ZNF438: variants seen among roughly 807,000 people sequenced by gnomAD.
The protein encoded by ZNF438 is zinc finger protein 438.
A neutral mutation model predicts 38.0 loss-of-function variants in ZNF438; 25 were observed. The observed-to-expected ratio is 0.66, with a 90% CI of 0.48 to 0.92. The LOEUF (loss-of-function observed/expected upper bound fraction) is 0.92, where lower values mean the gene tolerates loss of function less well. Among genes scored for constraint, ZNF438 ranks in the 40% least tolerant of loss-of-function variants. The pLI is 0.00. For synonymous variants in ZNF438, 372 were observed against 364.1 expected (o/e 1.02, Z -0.25); for missense variants, 1,007 against 999.6 (o/e 1.01, Z -0.10).
At position 30,888,715 on chromosome 10, in the gene ZNF438, T is replaced by C. The variant is rs139232787; in HGVS notation, c.-31-11650A>G. Among the ~76,000 whole-genome samples, 736 of 152,356 alleles carry C rather than the reference T, an allele frequency of 4.8e-3. 3 individuals are homozygous for C. The highest frequency in any genetic ancestry group is 7.9e-3 in the Non-Finnish European group (539 of 68,036). On this transcript the variant is annotated intron_variant, in intron 3 of 5. Coordinates refer to ENST00000413025, the Ensembl canonical transcript of ZNF438. ...ATAAAGGGCATGATCTCATTCTTTT[T>C]TATGGCTGCATCGTATTCCATGGTG...
At chr10:30,879,374 T>C (rs1050627916) in intron 3 of ZNF438, among the ~76,000 whole-genome samples, 1 of 152,200 alleles carries the variant, frequency 6.6e-6, no homozygotes, top group African/African-American at 2.4e-5. Flanking sequence ...ATTTTAACTA[T>C]GTACCAGAAA....
chr10:30,976,907 G>A (rs1589528757), intron 1 of ZNF438, among the ~76,000 whole-genome samples: 2 of 152,116 alleles, frequency 1.3e-5, no homozygotes, highest in East Asian at 3.9e-4. Context: ...ACAACTTTAA[G>A]CCTTTGAGAG....
intron 1 of ZNF438, among the ~76,000 whole-genome samples, chr10:30,946,367 T>C (rs1386104876): frequency 6.6e-6 from 1 of 152,074 alleles, no homozygotes; most frequent in East Asian, 1.9e-4. Flanking sequence ...ACTAAACAGC[T>C]TCTGCACAGC....
chr10:30,904,005 C>T (rs1257135659), intron 3 of ZNF438, among the ~76,000 whole-genome samples: 3 of 125,496 alleles, frequency 2.4e-5, no homozygotes, highest in Non-Finnish European at 3.4e-5. Context: ...GAAAACAATT[C>T]ATGCCACAGT....
chr10:30,986,827 C>A (rs1211259594), intron 1 of ZNF438, among the ~76,000 whole-genome samples: 3 of 152,060 alleles, frequency 2.0e-5, no homozygotes, highest in Non-Finnish European at 4.4e-5. Context: ...ATCAGAGATG[C>A]TCAATCTGTA....
chr10:30,923,343 T>C (rs2044538829), intron 2 of ZNF438: 1 of 152,230 alleles, frequency 6.6e-6, no homozygotes, highest in Non-Finnish European at 1.5e-5. Flanking sequence ...TCTTTTTCTC[T>C]TGTACTCCTT....
intron 4 of ZNF438, among the ~76,000 whole-genome samples, chr10:30,873,609 A>G (rs548447336): frequency 6.6e-6 from 1 of 152,284 alleles, no homozygotes; most frequent in East Asian, 1.9e-4. Flanking sequence ...TTTTCAAAGT[A>G]TGTCATACTC....
chr10:30,880,079 C>T (rs1459806863), intron 3 of ZNF438, among the ~76,000 whole-genome samples: 4 of 151,942 alleles, frequency 2.6e-5, no homozygotes, highest in Non-Finnish European at 4.4e-5. Context: ...GAAAAAGACA[C>T]ATTGCATATA....
intron 2 of ZNF438, among the ~76,000 whole-genome samples, chr10:30,914,408 A>T (rs932252733): frequency 1.3e-5 from 2 of 152,028 alleles, no homozygotes; most frequent in Non-Finnish European, 2.9e-5. Flanking sequence ...AGTAGATACA[A>T]GAAGCTACAC....
intron 1 of ZNF438, among the ~76,000 whole-genome samples, chr10:31,027,711 G>C (rs1310065203): frequency 6.6e-6 from 1 of 152,148 alleles, no homozygotes; most frequent in African/African-American, 2.4e-5. Flanking sequence ...TAAATGTAGG[G>C]AAGCTACAAG....
intron 3 of ZNF438, among the ~76,000 whole-genome samples, chr10:30,896,559 G>A (rs1212515078): frequency 6.6e-6 from 1 of 152,042 alleles, no homozygotes; most frequent in East Asian, 1.9e-4. Flanking sequence ...GTCAGAAAAG[G>A]GCAAACATTG....
intron 1 of ZNF438, among the ~76,000 whole-genome samples, chr10:31,021,195 G>C (rs1471414572): frequency 6.6e-6 from 1 of 151,428 alleles, no homozygotes; most frequent in Non-Finnish European, 1.5e-5. Context: ...ACAGCACTTA[G>C]GGCATTTAAA....
chr10:30,903,160 C>T (rs369435308), intron 3 of ZNF438, among the ~76,000 whole-genome samples: 9 of 152,196 alleles, frequency 5.9e-5, no homozygotes, highest in South Asian at 4.1e-4. Flanking sequence ...CATGCAGCCC[C>T]GGTTCTGCCC....
At chr10:30,929,482 T>A (rs1353366243) in intron 2 of ZNF438, among the ~76,000 whole-genome samples, 2 of 152,240 alleles carry the variant, frequency 1.3e-5, no homozygotes, top group Non-Finnish European at 2.9e-5. Flanking sequence ...GCTGCAGATC[T>A]TCGCGGTGAT....
intron 2 of ZNF438, among the ~76,000 whole-genome samples, chr10:30,923,942 C>A (rs1451210374): frequency 6.6e-6 from 1 of 152,176 alleles, no homozygotes; most frequent in Admixed American, 6.5e-5. Flanking sequence ...AACATCTTTG[C>A]AACATTAAAT....
intron 3 of ZNF438, among the ~76,000 whole-genome samples, chr10:30,893,293 T>A (rs377481873): frequency 2.0e-5 from 3 of 152,200 alleles, no homozygotes; most frequent in South Asian, 4.1e-4. Context: ...AAAACCAAGT[T>A]TCCCATCTCC....
At chr10:30,861,518 AT>A (rs886237582) in intron 4 of ZNF438, among the ~76,000 whole-genome samples, 15 of 152,354 alleles carry the variant, frequency 9.8e-5, no homozygotes, top group Admixed American at 7.8e-4. Flanking sequence ...ATTAAAAAAA[AT>A]AACACAATGT....
chr10:31,025,630 G>A (rs928377878), intron 1 of ZNF438, among the ~76,000 whole-genome samples: 5 of 152,010 alleles, frequency 3.3e-5, no homozygotes, highest in Admixed American at 6.6e-5. Flanking sequence ...TCCTTTCATC[G>A]ACATACTGGT....
At chr10:30,979,108 G>A (rs2051791809) in intron 1 of ZNF438, among the ~76,000 whole-genome samples, 1 of 152,202 alleles carries the variant, frequency 6.6e-6, no homozygotes, top group African/African-American at 2.4e-5. Context: ...TAAGCCCACT[G>A]TTGAGAGTCA....
Sources: gnomAD v4.1 joint callset for allele counts (sites outside exome capture counted in the v4.1 genomes callset) on GRCh38, gnomAD v4.1.1 for gene constraint, MANE v1.5 for transcripts, NCBI Gene and HGNC (gene_info 2026-07-23, HGNC 2026-07-21) for gene names.